The following KIRREL3 variants were observed in gnomAD, a reference collection of about 807,000 sequenced individuals.
The protein encoded by KIRREL3 is kin of IRRE-like protein 3.
A neutral mutation model predicts 89.7 loss-of-function variants in KIRREL3; 36 were observed. The observed-to-expected ratio is 0.40, with a 90% CI of 0.31 to 0.53. The LOEUF (loss-of-function observed/expected upper bound fraction) is 0.53. KIRREL3 is among the 20% of genes least tolerant of loss of function. The pLI, the probability that KIRREL3 is intolerant of heterozygous loss-of-function variation, is 0.49. For missense variants in KIRREL3, 864 were observed against 1,056.6 expected (o/e 0.82, Z 2.53); for synonymous variants, 445 against 441.4 (o/e 1.01, Z -0.10).
rs532603187 is a variant in KIRREL3 at position 126,565,624 on chromosome 11, G to A, written c.56-2712C>T. On this transcript the variant is annotated intron_variant, in intron 1 of 16. Transcript: ENST00000525144. The surrounding 1 kb of genome is among the most constrained non-coding windows in gnomAD (Gnocchi z 5.4). ...CTGGGATCTTTGCAAGAACGAGCAGGTTGGAGGATGAGTGAAGTGAGAATT... is the reference window on the plus strand; with the variant it reads ...CTGGGATCTTTGCAAGAACGAGCAGATTGGAGGATGAGTGAAGTGAGAATT... Among the ~76,000 whole-genome samples, 2 of 152,338 alleles carry A rather than the reference G, an allele frequency of 1.3e-5. No homozygotes were observed. Among genetic ancestry groups the A allele is most frequent in the Admixed American group, 6.5e-5 (1 of 15,306 alleles).
rs1400263010 is a variant in KIRREL3, at chr11:126,620,207, T to C, written c.56-57295A>G. 5.9e-5 allele frequency among the ~76,000 whole-genome samples: 9 copies of C among 152,224 alleles called. No individual in the cohort carries two copies. The highest frequency in any genetic ancestry group is 1.3e-4 in the Non-Finnish European group (9 of 68,032). The stretch of plus-strand genomic sequence containing the variant: ...TTAAAATTTTTCCAATCAGCTATTA[T>C]AGTTCCCTTTAGTTCTTTCTAAACT... On this transcript the variant is annotated intron_variant, in intron 1 of 16. Transcript: ENST00000525144. The surrounding 1 kb of genome is among the most constrained non-coding windows in gnomAD (Gnocchi z 4.8).
rs555723644 is a variant in KIRREL3, at chr11:126,449,679, G to A, written c.849-522C>T. Among the ~76,000 whole-genome samples the A allele has an allele frequency of 3.9e-5, 6 of 152,358 alleles. 1 individual carries two copies. Among genetic ancestry groups the A allele is most frequent in the African/African-American group, 1.4e-4 (6 of 41,584 alleles). ...AGGCGAGAAGCTGTAGGAGAGGTAT[G>A]CTGTAGGGGCTCCATCTCCCGTCCA... On this transcript the variant is annotated intron_variant, in intron 7 of 16. Transcript: ENST00000525144.
Position 126,517,119 on chromosome 11 carries a change from T to TGA in KIRREL3, c.433+4194_433+4195dup, listed in dbSNP as rs1402440701. Among the ~76,000 whole-genome samples the TGA allele has an allele frequency of 9.8e-4, 77 of 78,270 alleles. 1 individual carries two copies. The highest frequency in any genetic ancestry group is 3.9e-3 in the African/African-American group (76 of 19,736). The allele number at this position is 78,270 out of a possible 152,430, so 51.3% of individuals were successfully genotyped here. ...TGTATGACACTTCACTGTTAGAGAT[T>TGA]GAGAGAGAGAGAGAGAAAGAGAGAG... On this transcript the variant is annotated intron_variant, in intron 4 of 16. Transcript: ENST00000525144.
upstream of KIRREL3, among the ~76,000 whole-genome samples, chr11:127,002,175 A>T (rs888849155): frequency 1.3e-5 from 2 of 152,272 alleles, no homozygotes; most frequent in Non-Finnish European, 2.9e-5. Context: ...AGGGGCATAT[A>T]GAAGTGTGCT....
Position 126,948,572 on chromosome 11 carries a change from AT to A in KIRREL3, c.55+51882del, listed in dbSNP as rs1392788036. Among the ~76,000 whole-genome samples, 1 of 152,244 alleles carries A rather than the reference AT, an allele frequency of 6.6e-6. No individual in the cohort carries two copies. The highest frequency in any genetic ancestry group is 1.5e-5 in the Non-Finnish European group (1 of 68,038). On this transcript the variant is annotated intron_variant, in intron 1 of 16. Transcript: ENST00000525144. The surrounding 1 kb of genome is among the most constrained non-coding windows in gnomAD (Gnocchi z 4.5). ...AGGGATTTTAGGCTTCCCAAAAAGC[AT>A]AAAAAGCAGTTAAGCATTTAAAAGA...
chr11:126,991,688 C>T lies in KIRREL3; in HGVS notation c.55+8767G>A, dbSNP rs948318657. The stretch of plus-strand genomic sequence containing the variant: ...TGAACTACAATGCTGCCTCCTTGTT[C>T]GAAGGTCAGACCTGGGATTCGGATG... On this transcript the variant is annotated intron_variant, in intron 1 of 16. Transcript: ENST00000525144. This position sits in a 1 kb window ranked among gnomAD's most constrained non-coding sequence, Gnocchi z 5.8. Among the ~76,000 whole-genome samples, 33 of 152,168 alleles carry T rather than the reference C, an allele frequency of 2.2e-4. No individual in the cohort carries two copies. Among genetic ancestry groups the T allele is most frequent in the African/African-American group, 7.0e-4 (29 of 41,442 alleles).
intron 1 of KIRREL3, among the ~76,000 whole-genome samples, chr11:126,599,736 T>C (rs1410647169): frequency 6.6e-6 from 1 of 152,208 alleles, no homozygotes; most frequent in Non-Finnish European, 1.5e-5. Context: ...GTCCATACAG[T>C]AATGACCCTC....
intron 1 of KIRREL3, among the ~76,000 whole-genome samples, chr11:126,599,999 G>A (rs965296283): frequency 7.2e-5 from 11 of 152,228 alleles, no homozygotes; most frequent in African/African-American, 1.9e-4. Context: ...AGAACACAGC[G>A]AGAGTGATGG....
At position 126,645,740 on chromosome 11, in the gene KIRREL3, G is replaced by T. The variant is rs904515923; in HGVS notation, c.56-82828C>A. Among the ~76,000 whole-genome samples the T allele has an allele frequency of 6.6e-6, 1 of 152,190 alleles. No homozygotes were observed. Among genetic ancestry groups the T allele is most frequent in the African/African-American group, 2.4e-5 (1 of 41,438 alleles). On this transcript the variant is annotated intron_variant, in intron 1 of 16. Coordinates refer to ENST00000525144, the MANE Select transcript of KIRREL3 (RefSeq NM_032531.4). The surrounding 1 kb of genome is among the most constrained non-coding windows in gnomAD (Gnocchi z 4.9). ...CCATTCTCCCTCGTTGTACTGAATG[G>T]CAGATAAGGTGGTGTCTTCGCCTAT...
In KIRREL3 at chr11:126,668,735, TTCTTTCTTTCTTTCTTTCTTTTTTC is replaced by T. The variant is rs1945793995; in HGVS notation, c.56-105848_56-105824del. Among the ~76,000 whole-genome samples the T allele has an allele frequency of 8.8e-6, 1 of 114,098 alleles. No individual in the cohort carries two copies. Among genetic ancestry groups the T allele is most frequent in the Admixed American group, 9.9e-5 (1 of 10,074 alleles). The allele number at this position is 114,098 out of a possible 152,430, so 74.9% of individuals were successfully genotyped here. On this transcript the variant is annotated intron_variant, in intron 1 of 16. Transcript: ENST00000525144. This position sits in a 1 kb window ranked among gnomAD's most constrained non-coding sequence, Gnocchi z 4.4. ...TTTCTTTCTTTCTTTCTTTCTTTCT[TTCTTTCTTTCTTTCTTTCTTTTTTC>T]TCTTTCTTTCTTTCAAAAAAGTTCA...
chr11:126,485,444 G>A lies in KIRREL3; in HGVS notation c.434-11978C>T, dbSNP rs1372802085. Among the ~76,000 whole-genome samples, 1 of 152,178 alleles carries A rather than the reference G, an allele frequency of 6.6e-6. No homozygotes were observed. The highest frequency in any genetic ancestry group is 1.5e-5 in the Non-Finnish European group (1 of 68,036). The stretch of plus-strand genomic sequence containing the variant: ...CCCTGAAGTCAGAGTGCCTGGCTGG[G>A]CTTCTGGCTCCGTCATTCACTGGCC... On this transcript the variant is annotated intron_variant, in intron 4 of 16. Transcript: ENST00000525144. This position sits in a 1 kb window ranked among gnomAD's most constrained non-coding sequence, Gnocchi z 5.8.
intron 1 of KIRREL3, among the ~76,000 whole-genome samples, chr11:126,821,351 A>ATATATATATATATATATATATATGTG (rs756545626): frequency 7.1e-4 from 75 of 105,160 alleles, no homozygotes; most frequent in African/African-American, 1.7e-3. Context: ...ATATATATAT[A>ATATATATATATATATATATATATGTG]TGTAACTTCC....
At chr11:126,758,304 G>A (rs1949569173) in intron 1 of KIRREL3, among the ~76,000 whole-genome samples, 1 of 152,210 alleles carries the variant, frequency 6.6e-6, no homozygotes. Flanking sequence ...TATGTTTGTT[G>A]TATTACCAGT....
In KIRREL3 at chr11:126,429,052, G is replaced by T; in HGVS notation, c.1806+127C>A. Reference sequence around the variant, plus strand: ...GAGTGTGTGCCTCACCTATTGTGGGGTGGGCAGGGGGCATCTTGAACGCTG... The same window carrying T: ...GAGTGTGTGCCTCACCTATTGTGGGTTGGGCAGGGGGCATCTTGAACGCTG... On this transcript the variant is annotated intron_variant, in intron 15 of 16. Transcript: ENST00000525144. The surrounding 1 kb of genome is among the most constrained non-coding windows in gnomAD (Gnocchi z 5.2). The T allele has an allele frequency of 1.6e-6, 1 of 635,698 alleles. No individual in the cohort carries two copies. The highest frequency in any genetic ancestry group is 4.3e-4 in the Middle Eastern group (1 of 2,350). 39.4% of individuals were successfully genotyped at this position (635,698 alleles called of 1,614,324 possible).
Position 126,587,498 on chromosome 11 carries a change from A to G in KIRREL3, c.56-24586T>C, listed in dbSNP as rs1410205859. 6.6e-6 allele frequency among the ~76,000 whole-genome samples: 1 copy of G among 152,006 alleles called. No individual in the cohort carries two copies. On this transcript the variant is annotated intron_variant, in intron 1 of 16. Transcript: ENST00000525144. The surrounding 1 kb of genome is among the most constrained non-coding windows in gnomAD (Gnocchi z 5.2). ...AACCCACAGCGCTTCCCTCTCACCA[A>G]CCCTGTAGCCTGCAGTCTTCACTGT...
Position 126,869,574 on chromosome 11 carries a change from G to T in KIRREL3, c.55+130881C>A, listed in dbSNP as rs544803071. ...TACAAATGGGTTCAGCTCAAGTCTA[G>T]TAAACCAGGTGGACCCATTTCCAGT... On this transcript the variant is annotated intron_variant, in intron 1 of 16. Transcript: ENST00000525144. 2.3e-4 allele frequency among the ~76,000 whole-genome samples: 35 copies of T among 152,316 alleles called. No homozygotes were observed. The South Asian group carries it at 7.3e-3, about 32-fold the overall frequency.
At chr11:126,552,470 T>C (rs555959980) in intron 2 of KIRREL3, among the ~76,000 whole-genome samples, 1 of 151,728 alleles carries the variant, frequency 6.6e-6, no homozygotes, top group Non-Finnish European at 1.5e-5. Flanking sequence ...GTTTTTTGCT[T>C]AGAAGTTATC....
chr11:126,925,639 C>T (rs759843464), intron 1 of KIRREL3, among the ~76,000 whole-genome samples: 9 of 152,186 alleles, frequency 5.9e-5, no homozygotes, highest in Non-Finnish European at 7.3e-5. Context: ...TCATTCTCCA[C>T]TGGGTCTATG....
rs1180082800 is a variant in KIRREL3 at position 126,575,024 on chromosome 11, AG to A, written c.56-12113del. Among the ~76,000 whole-genome samples, 2 of 152,204 alleles carry A rather than the reference AG, an allele frequency of 1.3e-5. No individual in the cohort carries two copies. Among genetic ancestry groups the A allele is most frequent in the Non-Finnish European group, 2.9e-5 (2 of 68,042 alleles). On this transcript the variant is annotated intron_variant, in intron 1 of 16. Coordinates refer to ENST00000525144, the MANE Select transcript of KIRREL3 (RefSeq NM_032531.4). The surrounding 1 kb of genome is among the most constrained non-coding windows in gnomAD (Gnocchi z 7.0). ...TGGGGTTCTTGACTCAGGCTCTGTC[AG>A]TCCACAGAGGGTGGTTATGGCAATG...
Sources: allele counts gnomAD v4.1 joint callset (sites outside exome capture counted in the v4.1 genomes callset), GRCh38; gene constraint gnomAD v4.1.1; non-coding constraint Gnocchi (gnomAD v3.1); transcripts MANE v1.5; gene names NCBI Gene and HGNC (gene_info 2026-07-23, HGNC 2026-07-21).